The following JMY variants were observed in gnomAD, a reference collection of about 807,000 sequenced individuals.
The protein encoded by JMY is junction mediating and regulatory protein, p53 cofactor.
JMY carries 46 observed loss-of-function variants against 103.3 expected under a neutral mutation model. The ratio of observed to expected loss-of-function variants is 0.45; its 90% CI spans 0.35 to 0.57. The LOEUF (loss-of-function observed/expected upper bound fraction) is 0.57. Among genes scored for constraint, JMY ranks in the 20% least tolerant of loss-of-function variants. JMY has a pLI of 0.00. For missense variants in JMY, 1,238 were observed against 1,255.2 expected, an observed-to-expected ratio of 0.99 and a Z score of 0.21; for synonymous variants, 526 against 489.3, an observed-to-expected ratio of 1.07 and a Z score of -0.99.
At chr5:79,318,098 T>A (rs970333849) in intron 10 of JMY, among the ~76,000 whole-genome samples, 1 of 152,050 alleles carries the variant, frequency 6.6e-6, no homozygotes. Context: ...ACCTCGTGGG[T>A]TCAAGTGAAT....
chr5:79,241,508 CAT>C (rs1479410932), intron 1 of JMY, among the ~76,000 whole-genome samples: 1 of 152,090 alleles, frequency 6.6e-6, no homozygotes, highest in Non-Finnish European at 1.5e-5. Flanking sequence ...TTTCTTAAAA[CAT>C]AAATAAATTC....
Position 79,299,865 on chromosome 5 carries a change from A to G in JMY, c.1528-288A>G, listed in dbSNP as rs181724107. On this transcript the variant is annotated intron_variant, in intron 4 of 10. Transcript: ENST00000396137. ...TTTGAGAGGGAAAGCATTTATATCC[A>G]GATGATACATATATTATTACCATAA... Among the ~76,000 whole-genome samples, 261 of 152,320 alleles carry G rather than the reference A, an allele frequency of 1.7e-3. 1 individual carries two copies. Among genetic ancestry groups the G allele is most frequent in the African/African-American group, 3.0e-3 (126 of 41,578 alleles).
Position 79,314,635 on chromosome 5 carries a change from C to CCCCCCCA in JMY, c.2444_2445insCCCCCAC (p.Pro817HisfsTer16). On this transcript the variant is annotated frameshift_variant, in exon 9 of 11. Transcript: ENST00000396137. LOFTEE classifies it high-confidence loss of function. ...TCTTCCTCCAACACCACCACCTCCC[C>CCCCCCCA]CACCTCCTCCCCCTCCCCCACCACC... 6.6e-7 allele frequency: 1 copy of CCCCCCCA among 1,513,742 alleles called. No individual in the cohort carries two copies. The highest frequency in any genetic ancestry group is 9.1e-7 in the Non-Finnish European group (1 of 1,096,922). The allele number at this position is 1,513,742 out of a possible 1,614,324, so 93.8% of individuals were successfully genotyped here.
intron 1 of JMY, among the ~76,000 whole-genome samples, chr5:79,272,199 C>T (rs1745806720): frequency 6.6e-6 from 1 of 150,928 alleles, no homozygotes; most frequent in South Asian, 2.1e-4. Flanking sequence ...TTAAAATAGT[C>T]CCTCCAGGCT....
chr5:79,312,302 C>A, intron 7 of JMY, 101 bp from the exon 8 acceptor site: 1 of 585,180 alleles, frequency 1.7e-6, no homozygotes, highest in Non-Finnish European at 2.8e-6. Flanking sequence ...TTCAGTGAAT[C>A]ATCCCCTTTG....
At chr5:79,256,415 G>A (rs1407627144) in intron 1 of JMY, among the ~76,000 whole-genome samples, 1 of 152,030 alleles carries the variant, frequency 6.6e-6, no homozygotes, top group African/African-American at 2.4e-5. Context: ...AGCCCACTTG[G>A]TGTTCTACCC....
At chr5:79,247,530 G>T (rs952452899) in intron 1 of JMY, among the ~76,000 whole-genome samples, 14 of 151,990 alleles carry the variant, frequency 9.2e-5, no homozygotes, top group Non-Finnish European at 1.0e-4. Flanking sequence ...TTGCCCATGC[G>T]GGTCTCAGTC....
chr5:79,265,535 G>A (rs1322204779), intron 1 of JMY, among the ~76,000 whole-genome samples: 8 of 151,712 alleles, frequency 5.3e-5, no homozygotes, highest in African/African-American at 1.2e-4. Context: ...GCAAGGTACC[G>A]TCACTTTGAT....
At chr5:79,244,746 TTCAC>T (rs1744840633) in intron 1 of JMY, among the ~76,000 whole-genome samples, 1 of 152,036 alleles carries the variant, frequency 6.6e-6, no homozygotes, top group African/African-American at 2.4e-5. Context: ...ATCTGCCTGA[TTCAC>T]TCAGTTGTTG....
At chr5:79,292,810 G>A (rs961053726) in intron 4 of JMY, among the ~76,000 whole-genome samples, 2 of 152,182 alleles carry the variant, frequency 1.3e-5, no homozygotes, top group South Asian at 4.2e-4. Context: ...GGAGTGGGGG[G>A]GGTCCTATTC....
chr5:79,286,416 A>G lies in JMY; in HGVS notation c.1207-3705A>G, dbSNP rs543986736. On this transcript the variant is annotated intron_variant, in intron 2 of 10. Coordinates refer to ENST00000396137, the MANE Select transcript of JMY (RefSeq NM_152405.5). ...AGCACTTCGAGAGGCCGAGGTGGGC[A>G]AATCACCTGAGGTCAGGAGTTCAAG... Among the ~76,000 whole-genome samples the G allele has an allele frequency of 1.9e-4, 29 of 152,260 alleles. 1 individual carries two copies. In the South Asian group the frequency reaches 6.0e-3, roughly 32 times the overall value.
chr5:79,263,860 C>T (rs977025057), intron 1 of JMY, among the ~76,000 whole-genome samples: 6 of 151,428 alleles, frequency 4.0e-5, no homozygotes, highest in Non-Finnish European at 7.4e-5. Flanking sequence ...TGCAGTGGTA[C>T]GATCTCGGCT....
intron 7 of JMY, among the ~76,000 whole-genome samples, chr5:79,309,071 AT>A (rs1351170359): frequency 2.6e-5 from 4 of 152,000 alleles, no homozygotes; most frequent in East Asian, 3.9e-4. Flanking sequence ...TATAATCTAG[AT>A]TTTTTTTGTC....
chr5:79,297,333 A>T (rs1746591684), intron 4 of JMY, among the ~76,000 whole-genome samples: 1 of 152,142 alleles, frequency 6.6e-6, no homozygotes, highest in South Asian at 2.1e-4. Flanking sequence ...CACTGCTCTC[A>T]GATATAAAAA....
Position 79,300,718 on chromosome 5 carries a change from T to C in JMY, c.1736T>C (p.Met579Thr). The change falls in exon 6 of 11, where the codon ATG becomes ACG. Residue 579 changes from methionine (M) to threonine (T), a missense_variant. Met to Thr is a moderately conservative substitution (Grantham distance 81). Coordinates refer to ENST00000396137, the MANE Select transcript of JMY (RefSeq NM_152405.5). ...EVVYYDTYES[M>T]EAMLEKEEMA... ...GTATACTATGACACTTACGAAAGCA[T>C]GGAGGCCATGCTGGAGAAGGAAGAG... The C allele has an allele frequency of 1.2e-6, 2 of 1,610,386 alleles. No homozygotes were observed. The highest frequency in any genetic ancestry group is 8.5e-7 in the Non-Finnish European group (1 of 1,179,018).
intron 1 of JMY, among the ~76,000 whole-genome samples, chr5:79,246,781 C>G (rs1744917761): frequency 6.6e-6 from 1 of 151,844 alleles, no homozygotes; most frequent in Non-Finnish European, 1.5e-5. Context: ...ACTTGGGAGG[C>G]TGAGGCAGGA....
chr5:79,237,992 C>T (rs369145813), intron 1 of JMY, among the ~76,000 whole-genome samples: 5 of 152,178 alleles, frequency 3.3e-5, no homozygotes, highest in East Asian at 1.9e-4. Flanking sequence ...TAAGCATGGG[C>T]TACCTGAGCA....
chr5:79,309,154 T>A (rs1206466344), intron 7 of JMY, among the ~76,000 whole-genome samples: 1 of 152,192 alleles, frequency 6.6e-6, no homozygotes, highest in Non-Finnish European at 1.5e-5. Context: ...TTCTCTTTCT[T>A]ATTGCATTAG....
chr5:79,266,671 C>T (rs1278719154), intron 1 of JMY, among the ~76,000 whole-genome samples: 1 of 152,012 alleles, frequency 6.6e-6, no homozygotes, highest in African/African-American at 2.4e-5. Context: ...TGTTGAATAC[C>T]AGAATTTATT....
Sources: gnomAD v4.1 joint callset for allele counts (sites outside exome capture counted in the v4.1 genomes callset) on GRCh38, gnomAD v4.1.1 for gene constraint, MANE v1.5 for transcripts, NCBI Gene and HGNC (gene_info 2026-07-23, HGNC 2026-07-21) for gene names.